PAX7: variants seen among roughly 807,000 people sequenced by gnomAD.
The protein encoded by PAX7 is paired box protein Pax-7.
Under a neutral mutation model 50.7 loss-of-function variants are expected in PAX7, and 18 were observed. That is an observed-to-expected ratio of 0.36 (90% CI 0.25 to 0.53). The LOEUF (loss-of-function observed/expected upper bound fraction) is 0.53, where lower values mean the gene tolerates loss of function less well. Ranked by LOEUF, PAX7 falls within the 20% of genes least tolerant of loss-of-function variation. The pLI is 0.93. For synonymous variants in PAX7, 310 were observed against 290.4 expected, an observed-to-expected ratio of 1.07 and a Z score of -0.69; for missense variants, 644 against 702.9, an observed-to-expected ratio of 0.92 and a Z score of 0.95.
At position 18,636,311 on chromosome 1, in the gene PAX7, AAGG is replaced by A; in HGVS notation, c.531_533del (p.Glu177del). Reference sequence around the variant, plus strand: ...AGAGGAGGAGGATGAAGCGGACAAGAAGGAGGACGACGGCGAAAAGAAGGCCAA... The same window carrying A: ...AGAGGAGGAGGATGAAGCGGACAAGAAGGACGACGGCGAAAAGAAGGCCAA... On this transcript the variant is annotated inframe_deletion, in exon 4 of 9. Transcript: ENST00000420770. This position sits in a 1 kb window ranked among gnomAD's most constrained non-coding sequence, Gnocchi z 5.1. The A allele has an allele frequency of 6.2e-7, 1 of 1,614,204 alleles. No individual in the cohort carries two copies. Among genetic ancestry groups the A allele is most frequent in the Non-Finnish European group, 8.5e-7 (1 of 1,180,010 alleles).
chr1:18,655,977 G>A (rs183135726), intron 4 of PAX7, among the ~76,000 whole-genome samples: 4 of 152,218 alleles, frequency 2.6e-5, no homozygotes, highest in African/African-American at 9.6e-5. Flanking sequence ...ACTTGAGCTG[G>A]AATCGGCCTT....
chr1:18,685,048 A>T (rs930877671), intron 4 of PAX7, among the ~76,000 whole-genome samples: 1 of 152,130 alleles, frequency 6.6e-6, no homozygotes, highest in African/African-American at 2.4e-5. Flanking sequence ...ATGGAAGAGA[A>T]GCCACGTTGG....
At chr1:18,653,670 C>CG (rs562561665) in intron 4 of PAX7, among the ~76,000 whole-genome samples, 139 of 151,762 alleles carry the variant, frequency 9.2e-4, no homozygotes, top group Non-Finnish European at 1.5e-3. Flanking sequence ...AGGCACAGGT[C>CG]GGGGGGGTTG....
At chr1:18,670,830 G>A (rs1431375551) in intron 4 of PAX7, among the ~76,000 whole-genome samples, 2 of 152,154 alleles carry the variant, frequency 1.3e-5, no homozygotes, top group African/African-American at 4.8e-5. Flanking sequence ...CATGTAGAGG[G>A]CAAAGGCAGG....
At chr1:18,737,808 TTA>T (rs1360876944) in intron 8 of PAX7, among the ~76,000 whole-genome samples, 1 of 152,256 alleles carries the variant, frequency 6.6e-6, no homozygotes, top group African/African-American at 2.4e-5. Context: ...GAGCGTGTCT[TTA>T]TGTGTGCCTC....
intron 7 of PAX7, among the ~76,000 whole-genome samples, chr1:18,730,937 G>A (rs1035224253): frequency 5.9e-5 from 9 of 151,902 alleles, no homozygotes; most frequent in South Asian, 2.1e-4. Flanking sequence ...GCGGGTGGGG[G>A]GAAATGGAGG....
intron 4 of PAX7, among the ~76,000 whole-genome samples, chr1:18,689,806 GC>G (rs1168926281): frequency 1.3e-5 from 2 of 152,254 alleles, no homozygotes; most frequent in East Asian, 3.8e-4. Flanking sequence ...TCTCCTGTCT[GC>G]CTGCAGTGCC....
At position 18,632,994 on chromosome 1, in the gene PAX7, G is replaced by A. The variant is rs1420912545; in HGVS notation, c.85+1306G>A. Among the ~76,000 whole-genome samples, 1 of 152,228 alleles carries A rather than the reference G, an allele frequency of 6.6e-6. No individual in the cohort carries two copies. The highest frequency in any genetic ancestry group is 1.5e-5 in the Non-Finnish European group (1 of 68,036). ...TACTGAGGAGAGCCGAGTGCCGGTC[G>A]CTAAAGAGGCTCTTGAATATAAAGT... On this transcript the variant is annotated intron_variant, in intron 1 of 8. Transcript: ENST00000420770. The surrounding 1 kb of genome is among the most constrained non-coding windows in gnomAD (Gnocchi z 6.3).
At chr1:18,715,901 T>C (rs1468069782) in intron 7 of PAX7, among the ~76,000 whole-genome samples, 1 of 152,180 alleles carries the variant, frequency 6.6e-6, no homozygotes, top group Admixed American at 6.5e-5. Flanking sequence ...GCAGAATTCA[T>C]GTTCCCTCAA....
At chr1:18,707,838 C>A (rs897156897) in intron 7 of PAX7, among the ~76,000 whole-genome samples, 2 of 152,002 alleles carry the variant, frequency 1.3e-5, no homozygotes, top group African/African-American at 4.8e-5. Flanking sequence ...GGAAGCCACC[C>A]CCCATCTATG....
chr1:18,746,426 A>G lies in PAX7; in HGVS notation c.*1497A>G, dbSNP rs1931441735. On this transcript the variant is annotated 3_prime_UTR_variant, in exon 9 of 9. Transcript: ENST00000420770. ...CTGGGACCTTGGGAGGATGATTCAAACCCTCAATTCCTCCTCCCTGGGAAC... is the reference window on the plus strand; with the variant it reads ...CTGGGACCTTGGGAGGATGATTCAAGCCCTCAATTCCTCCTCCCTGGGAAC... 1 of 230,664 alleles carries G rather than the reference A, an allele frequency of 4.3e-6. No individual in the cohort carries two copies. Among genetic ancestry groups the G allele is most frequent in the Admixed American group, 5.7e-5 (1 of 17,676 alleles). The allele number at this position is 230,664 out of a possible 1,614,324, so 14.3% of individuals were successfully genotyped here.
At chr1:18,741,874 G>A (rs915020020) in intron 8 of PAX7, among the ~76,000 whole-genome samples, 1 of 152,188 alleles carries the variant, frequency 6.6e-6, no homozygotes, top group Non-Finnish European at 1.5e-5. Flanking sequence ...AGCCTGCAGG[G>A]GTGGCTGGGA....
At chr1:18,725,772 T>C (rs542070588) in intron 7 of PAX7, among the ~76,000 whole-genome samples, 1 of 152,084 alleles carries the variant, frequency 6.6e-6, no homozygotes, top group Non-Finnish European at 1.5e-5. Context: ...TCAGAGATGG[T>C]TTCAGAATCT....
chr1:18,646,855 C>A (rs541562853), intron 4 of PAX7, among the ~76,000 whole-genome samples: 20 of 150,770 alleles, frequency 1.3e-4, no homozygotes, highest in Admixed American at 1.3e-3. Context: ...CCCATTATCC[C>A]GAGAAGAAAA....
At chr1:18,664,907 T>C (rs1483099604) in intron 4 of PAX7, among the ~76,000 whole-genome samples, 1 of 152,066 alleles carries the variant, frequency 6.6e-6, no homozygotes, top group African/African-American at 2.4e-5. Context: ...CAGGGCCTAG[T>C]GGGAGACATT....
chr1:18,693,430 G>T (rs2089104499), intron 5 of PAX7, among the ~76,000 whole-genome samples: 1 of 152,160 alleles, frequency 6.6e-6, no homozygotes, highest in African/African-American at 2.4e-5. Flanking sequence ...AAGCTGGATG[G>T]GGGCTGAGCC....
chr1:18,645,239 G>A (rs2088319531), intron 4 of PAX7, among the ~76,000 whole-genome samples: 1 of 152,240 alleles, frequency 6.6e-6, no homozygotes, highest in African/African-American at 2.4e-5. Flanking sequence ...AGTGGCCCGC[G>A]TCGGCGGGCT....
At chr1:18,714,694 T>C (rs199717893) in intron 7 of PAX7, among the ~76,000 whole-genome samples, 30 of 152,324 alleles carry the variant, frequency 2.0e-4, no homozygotes, top group Admixed American at 1.3e-3. Flanking sequence ...GAATCAGTGA[T>C]TCTGTGGGTT....
chr1:18,684,580 C>G (rs1033299498), intron 4 of PAX7, among the ~76,000 whole-genome samples: 1 of 152,218 alleles, frequency 6.6e-6, no homozygotes, highest in Non-Finnish European at 1.5e-5. Context: ...GCCATGGTCC[C>G]GGCTTGCCGG....
Sources: gnomAD v4.1 joint callset for allele counts (sites outside exome capture counted in the v4.1 genomes callset) on GRCh38, gnomAD v4.1.1 for gene constraint, Gnocchi (gnomAD v3.1) non-coding constraint, MANE v1.5 for transcripts, NCBI Gene and HGNC (gene_info 2026-07-23, HGNC 2026-07-21) for gene names.